Variants in CDK14 observed in about 807,000 individuals in gnomAD.
CDK14 encodes cyclin-dependent kinase 14.
A neutral mutation model predicts 60.7 loss-of-function variants in CDK14; 34 were observed. The ratio of observed to expected loss-of-function variants is 0.56; its 90% confidence interval spans 0.43 to 0.75. The LOEUF is 0.75. CDK14 is among the 30% of genes least tolerant of loss of function. CDK14 has a pLI of 0.00. For missense variants in CDK14, 482 were observed against 564.1 expected (o/e 0.85, Z 1.47); for synonymous variants, 197 against 203.7 (o/e 0.97, Z 0.28).
chr7:90,879,384 T>C (rs1339964594), intron 6 of CDK14, among the ~76,000 whole-genome samples: 1 of 152,196 alleles, frequency 6.6e-6, no homozygotes, highest in Non-Finnish European at 1.5e-5. Flanking sequence ...ACATACTCTT[T>C]GTATCATTAA....
At chr7:91,023,162 G>C (rs975615820) in intron 10 of CDK14, among the ~76,000 whole-genome samples, 1 of 152,036 alleles carries the variant, frequency 6.6e-6, no homozygotes, top group Non-Finnish European at 1.5e-5. Flanking sequence ...TCATATTATA[G>C]CACTACCTTA....
At chr7:90,683,736 G>A (rs1185733936) in intron 2 of CDK14, among the ~76,000 whole-genome samples, 1 of 152,208 alleles carries the variant, frequency 6.6e-6, no homozygotes, top group Non-Finnish European at 1.5e-5. Context: ...GGGAGGCAGA[G>A]GTTGCAGTGA....
intron 8 of CDK14, among the ~76,000 whole-genome samples, chr7:90,931,495 C>T (rs1382364229): frequency 6.6e-6 from 1 of 152,196 alleles, no homozygotes; most frequent in Non-Finnish European, 1.5e-5. Flanking sequence ...TTGGACTCTA[C>T]TCCATTTCCT....
chr7:91,162,421 G>A (rs1035411977), intron 14 of CDK14, among the ~76,000 whole-genome samples: 2 of 152,322 alleles, frequency 1.3e-5, no homozygotes, highest in South Asian at 2.1e-4. Context: ...GGAAGCTCAC[G>A]CCTGGAGAGC....
chr7:91,107,313 A>G (rs1313663570), intron 12 of CDK14: 2 of 152,236 alleles, frequency 1.3e-5, no homozygotes, highest in Non-Finnish European at 2.9e-5. Flanking sequence ...TTTAACTAAC[A>G]TAACTCAAAT....
At chr7:90,855,365 C>T (rs1011524695) in intron 5 of CDK14, among the ~76,000 whole-genome samples, 6 of 152,138 alleles carry the variant, frequency 3.9e-5, no homozygotes, top group East Asian at 1.9e-4. Flanking sequence ...ATTGTATAAA[C>T]ACCTGTATGC....
chr7:90,811,072 C>T (rs1257899604), intron 5 of CDK14, among the ~76,000 whole-genome samples: 2 of 152,192 alleles, frequency 1.3e-5, no homozygotes, highest in East Asian at 3.9e-4. Flanking sequence ...GTGCCATCCC[C>T]ATCAAGCTAC....
chr7:91,139,370 G>A (rs779597252), intron 14 of CDK14, among the ~76,000 whole-genome samples: 5 of 152,134 alleles, frequency 3.3e-5, no homozygotes, highest in Non-Finnish European at 4.4e-5. Context: ...TCAACTGTAT[G>A]TGTGCATGTG....
intron 10 of CDK14, among the ~76,000 whole-genome samples, chr7:91,007,258 C>A (rs1433063990): frequency 6.6e-6 from 1 of 152,170 alleles, no homozygotes; most frequent in Non-Finnish European, 1.5e-5. Context: ...CATTTTTGTT[C>A]AACCGTGATT....
chr7:90,918,845 A>T (rs1793160714), intron 8 of CDK14, among the ~76,000 whole-genome samples: 1 of 152,204 alleles, frequency 6.6e-6, no homozygotes, highest in Admixed American at 6.5e-5. Context: ...GTTGGGTTTT[A>T]TAAATTCTTT....
chr7:91,117,498 G>T (rs1462701247), intron 13 of CDK14, among the ~76,000 whole-genome samples: 1 of 151,920 alleles, frequency 6.6e-6, no homozygotes, highest in Admixed American at 6.6e-5. Context: ...TACCTCATTT[G>T]ATTCTCTCCA....
chr7:90,857,439 C>T (rs987028100), intron 5 of CDK14, among the ~76,000 whole-genome samples: 2 of 152,156 alleles, frequency 1.3e-5, no homozygotes, highest in African/African-American at 4.8e-5. Flanking sequence ...GACACCACAG[C>T]CCCTAAACTA....
intron 2 of CDK14, among the ~76,000 whole-genome samples, chr7:90,706,125 A>G (rs1024412200): frequency 2.0e-5 from 3 of 151,958 alleles, no homozygotes; most frequent in Non-Finnish European, 4.4e-5. Context: ...TTGAAGCTAT[A>G]ATTTTTATTT....
rs1277258635 is a variant in CDK14 at position 90,797,634 on chromosome 7, C to T, written c.544+6982C>T. On this transcript the variant is annotated intron_variant, in intron 5 of 14. Transcript: ENST00000380050. ...CTAAAGAAAAGAGGTTTAATTGGCT[C>T]ATGGTTCTGCAGGCTGTACCAGAAG... Among the ~76,000 whole-genome samples, 2 of 151,936 alleles carry T rather than the reference C, an allele frequency of 1.3e-5. 1 individual carries two copies. The highest frequency in any genetic ancestry group is 4.9e-5 in the African/African-American group (2 of 41,222).
chr7:90,864,773 A>G (rs1211080947), intron 6 of CDK14, among the ~76,000 whole-genome samples: 1 of 152,166 alleles, frequency 6.6e-6, no homozygotes, highest in Non-Finnish European at 1.5e-5. Context: ...ACTACCCTGC[A>G]TTATTTACTG....
At chr7:90,635,065 T>G (rs1800105478) in intron 2 of CDK14, among the ~76,000 whole-genome samples, 1 of 152,160 alleles carries the variant, frequency 6.6e-6, no homozygotes, top group Non-Finnish European at 1.5e-5. Context: ...TGTGAAAATT[T>G]TCTCCCATTT....
chr7:90,842,748 A>G (rs889467062), intron 5 of CDK14, among the ~76,000 whole-genome samples: 11 of 152,192 alleles, frequency 7.2e-5, no homozygotes, highest in Non-Finnish European at 1.2e-4. Context: ...TTTGCCTAGT[A>G]CATAGCAAAC....
chr7:90,727,610 G>T (rs555453930), intron 3 of CDK14, among the ~76,000 whole-genome samples: 143 of 152,004 alleles, frequency 9.4e-4, no homozygotes, highest in African/African-American at 3.4e-3. Flanking sequence ...TTCCTTCCTT[G>T]CACAACTTCT....
At chr7:90,720,437 C>T (rs1647401825) in intron 2 of CDK14, among the ~76,000 whole-genome samples, 1 of 152,152 alleles carries the variant, frequency 6.6e-6, no homozygotes, top group South Asian at 2.1e-4. Context: ...GTTCACAGCT[C>T]ATGGCCTTTG....
Sources: gnomAD v4.1 joint callset for allele counts (sites outside exome capture counted in the v4.1 genomes callset) on GRCh38, gnomAD v4.1.1 for gene constraint, MANE v1.5 for transcripts, NCBI Gene and HGNC (gene_info 2026-07-23, HGNC 2026-07-21) for gene names.